Variants in PTPRD observed in about 807,000 individuals in gnomAD.
PTPRD encodes the protein receptor-type tyrosine-protein phosphatase delta.
A neutral mutation model predicts 214.5 loss-of-function variants in PTPRD; 34 were observed. That is an observed-to-expected ratio of 0.16 (90% confidence interval 0.12 to 0.21). The LOEUF (loss-of-function observed/expected upper bound fraction) is 0.21, where lower values mean the gene tolerates loss of function less well. Ranked by LOEUF, PTPRD falls within the 10% of genes least tolerant of loss-of-function variation. PTPRD has a pLI of 1.00. For synonymous variants in PTPRD, 1,128 were observed against 845.7 expected (o/e 1.33, Z -5.79); for missense variants, 2,545 against 2,398.7 (o/e 1.06, Z -1.27).
intron 8 of PTPRD, among the ~76,000 whole-genome samples, chr9:9,571,733 T>C (rs2086480617): frequency 6.6e-6 from 1 of 150,984 alleles, no homozygotes; most frequent in African/African-American, 2.4e-5. Context: ...TATATATTGA[T>C]TTAACAAAAT....
At chr9:10,296,456 C>T (rs2095676724) in intron 3 of PTPRD, among the ~76,000 whole-genome samples, 1 of 152,058 alleles carries the variant, frequency 6.6e-6, no homozygotes, top group African/African-American at 2.4e-5. Context: ...TTACCCCAAC[C>T]TAATTTGTAT....
intron 2 of PTPRD, among the ~76,000 whole-genome samples, chr9:10,575,392 A>T (rs901853728): frequency 6.6e-6 from 1 of 152,132 alleles, no homozygotes; most frequent in Non-Finnish European, 1.5e-5. Context: ...GATGTGTTCT[A>T]CCTAGTCATT....
intron 3 of PTPRD, among the ~76,000 whole-genome samples, chr9:10,308,924 T>G (rs567277249): frequency 8.0e-4 from 122 of 152,246 alleles, no homozygotes; most frequent in African/African-American, 2.8e-3. Context: ...GCAATAAATA[T>G]CCTTATGATT....
At chr9:8,893,478 A>G (rs2098561045) in intron 11 of PTPRD, among the ~76,000 whole-genome samples, 1 of 152,188 alleles carries the variant, frequency 6.6e-6, no homozygotes, top group Non-Finnish European at 1.5e-5. Context: ...AATCAGAGAA[A>G]CACCATTTCA....
chr9:10,548,730 T>A (rs2060678917), intron 2 of PTPRD, among the ~76,000 whole-genome samples: 1 of 60,898 alleles, frequency 1.6e-5, no homozygotes. Flanking sequence ...TGCCACTAGA[T>A]TAACTTTGAG....
rs565363977 is a variant in PTPRD at position 9,104,767 on chromosome 9, G to C, written c.-143+78537C>G. ...CACCTAGTCATTTTGTCATTTCTTTGTTCATTCTATCGCTCCACATTCAAT... is the reference window on the plus strand; with the variant it reads ...CACCTAGTCATTTTGTCATTTCTTTCTTCATTCTATCGCTCCACATTCAAT... On this transcript the variant is annotated intron_variant, in intron 10 of 45. Coordinates refer to ENST00000381196, the MANE Select transcript of PTPRD (RefSeq NM_002839.4). Among the ~76,000 whole-genome samples the C allele has an allele frequency of 3.2e-4, 49 of 152,210 alleles. No individual in the cohort carries two copies. In the South Asian group the frequency reaches 0.01, roughly 32 times the overall value.
intron 34 of PTPRD, 45 bp downstream of exon 34, chr9:8,449,680 T>C (rs1590816241): frequency 2.6e-6 from 4 of 1,566,942 alleles, no homozygotes; most frequent in East Asian, 4.5e-5. Context: ...GCTGTACAAC[T>C]TCTGGGAAAG....
At chr9:8,677,689 C>A (rs2097457434) in intron 12 of PTPRD, among the ~76,000 whole-genome samples, 1 of 152,112 alleles carries the variant, frequency 6.6e-6, no homozygotes, top group African/African-American at 2.4e-5. Context: ...AATGTGATAG[C>A]CAGATTATTA....
chr9:8,778,189 T>A (rs2095557249), intron 11 of PTPRD, among the ~76,000 whole-genome samples: 1 of 152,236 alleles, frequency 6.6e-6, no homozygotes, highest in African/African-American at 2.4e-5. Flanking sequence ...AAGGCCGGCG[T>A]GATAGCCACA....
intron 11 of PTPRD, among the ~76,000 whole-genome samples, chr9:8,831,391 C>A: frequency 6.6e-6 from 1 of 151,988 alleles, no homozygotes; most frequent in East Asian, 1.9e-4. Context: ...TCCATTACAC[C>A]ATTATGAAAC....
intron 3 of PTPRD, among the ~76,000 whole-genome samples, chr9:10,214,925 G>C (rs2099534489): frequency 6.6e-6 from 1 of 151,960 alleles, no homozygotes; most frequent in African/African-American, 2.4e-5. Context: ...TTTTACTCTA[G>C]GAATGTCTGT....
At chr9:9,698,909 C>T (rs2097434912) in intron 7 of PTPRD, among the ~76,000 whole-genome samples, 1 of 152,180 alleles carries the variant, frequency 6.6e-6, no homozygotes, top group South Asian at 2.1e-4. Flanking sequence ...GCCTCAGATG[C>T]TGTCTCATCC....
chr9:10,002,695 A>T (rs1177633409), intron 4 of PTPRD, among the ~76,000 whole-genome samples: 1 of 151,578 alleles, frequency 6.6e-6, no homozygotes, highest in Non-Finnish European at 1.5e-5. Context: ...TTGAAAAAAA[A>T]AACTTACAGA....
chr9:10,459,997 A>G (rs1283264323), intron 2 of PTPRD, among the ~76,000 whole-genome samples: 2 of 152,144 alleles, frequency 1.3e-5, no homozygotes, highest in African/African-American at 4.8e-5. Flanking sequence ...TGTACAGTTA[A>G]GTGGCATTAA....
chr9:9,837,216 T>C (rs140426585), intron 5 of PTPRD, among the ~76,000 whole-genome samples: 37 of 152,200 alleles, frequency 2.4e-4, no homozygotes, highest in African/African-American at 8.4e-4. Flanking sequence ...TGGATCATAA[T>C]AAATGAGAAA....
At chr9:8,566,538 A>C (rs141539953) in intron 14 of PTPRD, among the ~76,000 whole-genome samples, 2 of 152,308 alleles carry the variant, frequency 1.3e-5, no homozygotes, top group African/African-American at 4.8e-5. Flanking sequence ...CATTATAGCC[A>C]TAACTTCACC....
intron 8 of PTPRD, among the ~76,000 whole-genome samples, chr9:9,434,668 A>G (rs115833482): frequency 1.3e-5 from 2 of 151,978 alleles, no homozygotes; most frequent in African/African-American, 2.4e-5. Context: ...ACTGGCATAA[A>G]AATAGACAGA....
intron 11 of PTPRD, among the ~76,000 whole-genome samples, chr9:8,842,589 A>G (rs955436196): frequency 2.0e-5 from 3 of 152,120 alleles, no homozygotes; most frequent in African/African-American, 7.2e-5. Context: ...GTAGGGGGTT[A>G]AAGTGTTAGG....
chr9:10,250,733 C>T (rs1477416955), intron 3 of PTPRD, among the ~76,000 whole-genome samples: 1 of 151,892 alleles, frequency 6.6e-6, no homozygotes, highest in East Asian at 1.9e-4. Context: ...CAAGTATATG[C>T]TCCAAGAAGC....
Sources: allele counts gnomAD v4.1 joint callset (sites outside exome capture counted in the v4.1 genomes callset), GRCh38; gene constraint gnomAD v4.1.1; transcripts MANE v1.5; gene names NCBI Gene and HGNC (gene_info 2026-07-23, HGNC 2026-07-21).